Variants in PDZD2 observed in about 807,000 individuals in gnomAD.
PDZD2 encodes the protein PDZ domain containing 2.
A neutral mutation model predicts 220.7 loss-of-function variants in PDZD2; 90 were observed. The observed-to-expected ratio is 0.41, with a 90% CI of 0.34 to 0.49. The LOEUF is 0.49. PDZD2 is among the 20% of genes least tolerant of loss of function. The pLI, the probability that PDZD2 is intolerant of heterozygous loss-of-function variation, is 0.28. For synonymous variants in PDZD2, 1,375 were observed against 1,450.5 expected, an observed-to-expected ratio of 0.95 and a Z score of 1.18; for missense variants, 3,174 against 3,608.5, an observed-to-expected ratio of 0.88 and a Z score of 3.08.
chr5:31,701,605 A>G (rs1214862591), intron 1 of PDZD2, among the ~76,000 whole-genome samples: 1 of 152,094 alleles, frequency 6.6e-6, no homozygotes, highest in African/African-American at 2.4e-5. Context: ...TCTTATTTAG[A>G]AAACCCACTG....
chr5:31,815,899 C>T (rs933931908), intron 2 of PDZD2, among the ~76,000 whole-genome samples: 1 of 151,964 alleles, frequency 6.6e-6, no homozygotes, highest in African/African-American at 2.4e-5. Flanking sequence ...ATCCTCTTGG[C>T]CTATTTCAGG....
At chr5:31,857,363 T>G (rs1210600350) in intron 2 of PDZD2, among the ~76,000 whole-genome samples, 2 of 152,160 alleles carry the variant, frequency 1.3e-5, no homozygotes, top group Non-Finnish European at 2.9e-5. Flanking sequence ...TCATGTAGCA[T>G]CCCGTGTGTT....
intron 6 of PDZD2, among the ~76,000 whole-genome samples, chr5:32,022,427 G>A (rs987604213): frequency 3.3e-5 from 5 of 149,306 alleles, no homozygotes; most frequent in African/African-American, 5.0e-5. Flanking sequence ...GGCTGATCTC[G>A]AACTCCTGAG....
intron 2 of PDZD2, among the ~76,000 whole-genome samples, chr5:31,864,342 C>T (rs1317014145): frequency 6.6e-6 from 1 of 152,200 alleles, no homozygotes; most frequent in Admixed American, 6.5e-5. Context: ...CCGGTCTGCA[C>T]CTCTGTAAAC....
At position 32,097,363 on chromosome 5, in the gene PDZD2, G is replaced by A. The variant is rs1272905701; in HGVS notation, c.7930G>A (p.Glu2644Lys). 6.2e-7 allele frequency: 1 copy of A among 1,608,524 alleles called. No individual in the cohort carries two copies. The highest frequency in any genetic ancestry group is 1.3e-5 in the African/African-American group (1 of 74,908). Residue 2644 changes from glutamate to lysine, a missense_variant, in exon 22 of 25, where the codon GAG (glutamate) becomes AAG (lysine). Around this residue, in one of 4 missense-constraint regions of PDZD2, gnomAD observed 631 missense variants for 789.9 expected, o/e 0.80. Coordinates refer to ENST00000438447, the MANE Select transcript of PDZD2 (RefSeq NM_178140.4). Reference protein sequence around the residue: ...GFSVAGGTDVEPKSITVHRVF... With the variant: ...GFSVAGGTDVKPKSITVHRVF... ...CAGTGTGGCAGGAGGGACAGATGTG[G>A]AGCCAAAATCAATCACGGTAAGTGA...
rs397884384 is a variant in PDZD2, at chr5:31,878,555, C to CTTTTTTTTTTTTTTTTTTT, written c.476+78837_476+78855dup. Among the ~76,000 whole-genome samples the CTTTTTTTTTTTTTTTTTTT allele has an allele frequency of 8.7e-4, 42 of 48,198 alleles. 11 individuals are homozygous for CTTTTTTTTTTTTTTTTTTT. The highest frequency in any genetic ancestry group is 2.4e-3 in the East Asian group (2 of 828). 31.6% of individuals were successfully genotyped at this position (48,198 alleles called of 152,430 possible). ...TTCTTTGGTGGTCAGATGACCTCGG[C>CTTTTTTTTTTTTTTTTTTT]TTTTTTTTTTTTTTTTTTTTTTTTG... On this transcript the variant is annotated intron_variant, in intron 2 of 24. Coordinates refer to ENST00000438447, the MANE Select transcript of PDZD2 (RefSeq NM_178140.4).
At chr5:32,014,104 T>G (rs1347143772) in intron 6 of PDZD2, among the ~76,000 whole-genome samples, 4 of 152,230 alleles carry the variant, frequency 2.6e-5, no homozygotes, top group Non-Finnish European at 5.9e-5. Flanking sequence ...TGTTTCAGCG[T>G]TTTTAAAAAT....
intron 2 of PDZD2, among the ~76,000 whole-genome samples, chr5:31,918,666 C>A (rs576646245): frequency 3.3e-5 from 5 of 152,080 alleles, no homozygotes; most frequent in Non-Finnish European, 5.9e-5. Context: ...CTTGGCTCAT[C>A]CCTAGCCAGG....
chr5:31,721,741 C>CAAA (rs11368533), intron 1 of PDZD2, among the ~76,000 whole-genome samples: 36 of 147,966 alleles, frequency 2.4e-4, no homozygotes, highest in African/African-American at 8.2e-4. Context: ...TTAGCTGTCT[C>CAAA]AAAAAAAAAA....
intron 1 of PDZD2, among the ~76,000 whole-genome samples, chr5:31,720,995 C>T (rs1258767920): frequency 1.3e-5 from 2 of 152,020 alleles, no homozygotes; most frequent in African/African-American, 2.4e-5. Flanking sequence ...TGGGGGAAAA[C>T]GAGAGAGGCA....
chr5:32,026,411 G>A (rs1306381723), intron 6 of PDZD2, among the ~76,000 whole-genome samples: 1 of 152,044 alleles, frequency 6.6e-6, no homozygotes, highest in Non-Finnish European at 1.5e-5. Context: ...GTGCTGAGAT[G>A]ACAGGCGTGA....
Position 31,799,461 on chromosome 5 carries a change from G to A in PDZD2, c.213G>A (p.Val71=). The A allele has an allele frequency of 1.9e-6, 3 of 1,614,208 alleles. No homozygotes were observed. Among genetic ancestry groups the A allele is most frequent in the East Asian group, 2.2e-5 (1 of 44,882 alleles). ...HSPPEMEICT[V]YLTKELGDTE... ...CCCCCGAAATGGAGATCTGTACTGT[G>A]TACCTCACCAAGGAGCTGGGGGACA... Residue 71 remains valine, a synonymous_variant, in exon 2 of 25, where the codon GTG becomes GTA. Coordinates refer to ENST00000438447, the MANE Select transcript of PDZD2 (RefSeq NM_178140.4).
At chr5:32,041,959 T>C (rs191364502) in intron 7 of PDZD2, among the ~76,000 whole-genome samples, 13 of 144,980 alleles carry the variant, frequency 9.0e-5, no homozygotes, top group Admixed American at 1.4e-4. Context: ...CTCACGCCTG[T>C]AATCCCAGCA....
intron 2 of PDZD2, among the ~76,000 whole-genome samples, chr5:31,948,423 A>G (rs1270170919): frequency 6.6e-6 from 1 of 152,200 alleles, no homozygotes; most frequent in Non-Finnish European, 1.5e-5. Context: ...AGATTTTAAT[A>G]TCTGTAAAGA....
chr5:31,730,582 G>A (rs1431161814), intron 1 of PDZD2, among the ~76,000 whole-genome samples: 3 of 116,178 alleles, frequency 2.6e-5, no homozygotes, highest in Non-Finnish European at 5.6e-5. Flanking sequence ...GTGTGTGTGT[G>A]TGTGTGTGTG....
chr5:31,927,956 T>C (rs1413921683), intron 2 of PDZD2, among the ~76,000 whole-genome samples: 1 of 152,164 alleles, frequency 6.6e-6, no homozygotes, highest in East Asian at 1.9e-4. Flanking sequence ...TTCACCAAGA[T>C]GGCTCCTTCT....
intron 2 of PDZD2, among the ~76,000 whole-genome samples, chr5:31,982,641 C>T (rs1031244874): frequency 1.3e-5 from 2 of 152,148 alleles, no homozygotes; most frequent in African/African-American, 4.8e-5. Context: ...TTACCTGTTA[C>T]CCCTACTCAG....
rs1741088791 is a variant in PDZD2, at chr5:32,074,469, G to T, written c.3363G>T (p.Val1121=). 6.2e-7 allele frequency: 1 copy of T among 1,614,112 alleles called. No individual in the cohort carries two copies. ...SEGLGSRHRP[V]ARVSPHCKRS... is the part of the protein sequence containing the mutation. Reference sequence around the variant, plus strand: ...GCCTGGGCTCCAGGCACAGACCAGTGGCCAGGGTAAGCCCCCACTGCAAGA... The same window carrying T: ...GCCTGGGCTCCAGGCACAGACCAGTTGCCAGGGTAAGCCCCCACTGCAAGA... The change falls in exon 18 of 25, where the codon GTG becomes GTT. Residue 1121 remains valine, a synonymous_variant. Coordinates refer to ENST00000438447, the MANE Select transcript of PDZD2 (RefSeq NM_178140.4).
intron 2 of PDZD2, among the ~76,000 whole-genome samples, chr5:31,846,786 CG>C (rs1757608859): frequency 6.6e-6 from 1 of 152,088 alleles, no homozygotes; most frequent in Admixed American, 6.5e-5. Context: ...TGGATGTGGT[CG>C]GGGATCTTCT....
Sources: allele counts gnomAD v4.1 joint callset (sites outside exome capture counted in the v4.1 genomes callset), GRCh38; gene constraint gnomAD v4.1.1; regional missense constraint gnomAD v4.1.1; transcripts MANE v1.5; gene names NCBI Gene and HGNC (gene_info 2026-07-23, HGNC 2026-07-21).